Variants in HTR2C observed in about 807,000 individuals in gnomAD.
HTR2C encodes the protein 5-hydroxytryptamine (serotonin) receptor 2C, G protein-coupled.
Under a neutral mutation model 21.0 loss-of-function variants are expected in HTR2C, and 5 were observed. That is an observed-to-expected ratio of 0.24 (90% CI 0.12 to 0.50). The LOEUF (loss-of-function observed/expected upper bound fraction) is 0.50. Ranked by LOEUF, HTR2C falls within the 20% of genes least tolerant of loss-of-function variation. HTR2C has a pLI of 0.98. For missense variants in HTR2C, 271 were observed against 371.2 expected (o/e 0.73, Z 2.22); for synonymous variants, 150 against 145.3 (o/e 1.03, Z -0.23).
intron 4 of HTR2C, chrX:114,775,067 GT>G: frequency 2.0e-6 from 1 of 493,356 alleles, no homozygotes; most frequent in East Asian, 3.6e-5. Context: ...AGAATCTTCT[GT>G]TTGTCCTCAC....
intron 4 of HTR2C, among the ~76,000 whole-genome samples, chrX:114,804,142 C>T (rs2070379464): frequency 9.0e-6 from 1 of 111,579 alleles, no homozygotes; most frequent in African/African-American, 3.3e-5. Flanking sequence ...GAAAATAACT[C>T]ATGAACGAGG....
chrX:114,806,214 T>C (rs1488594119), intron 4 of HTR2C, among the ~76,000 whole-genome samples: 1 of 98,148 alleles, frequency 1.0e-5, no homozygotes, highest in Non-Finnish European at 2.0e-5. Context: ...ATATATACAC[T>C]CTATATACCA....
intron 4 of HTR2C, among the ~76,000 whole-genome samples, chrX:114,736,252 G>T (rs2069589725): frequency 9.0e-6 from 1 of 111,260 alleles, no homozygotes; most frequent in Non-Finnish European, 1.9e-5. Flanking sequence ...AAACATAAAA[G>T]ATTTTTAATT....
chrX:114,792,264 T>C (rs1255606260), intron 4 of HTR2C, among the ~76,000 whole-genome samples: 4 of 111,126 alleles, frequency 3.6e-5, no homozygotes, highest in Non-Finnish European at 7.5e-5. Flanking sequence ...TGTCCTGATG[T>C]TCTCCCTCCC....
chrX:114,668,798 C>G, intron 2 of HTR2C, among the ~76,000 whole-genome samples: 1 of 110,866 alleles, frequency 9.0e-6, no homozygotes. Flanking sequence ...ACAGTTTTTC[C>G]TTGGGATTAT....
At chrX:114,653,005 C>A (rs782262737) in intron 2 of HTR2C, among the ~76,000 whole-genome samples, 1 of 106,785 alleles carries the variant, frequency 9.4e-6, no homozygotes, top group Admixed American at 1.0e-4. Flanking sequence ...ATAAGACAGT[C>A]AATAAACTAA....
At chrX:114,746,516 A>T (rs2147362401) in intron 4 of HTR2C, among the ~76,000 whole-genome samples, 1 of 111,769 alleles carries the variant, frequency 8.9e-6, no homozygotes, top group Non-Finnish European at 1.9e-5. Context: ...TCAATTTTGG[A>T]TTAGTTGATA....
chrX:114,858,691 T>C (rs1556471934), intron 5 of HTR2C, among the ~76,000 whole-genome samples: 1 of 110,949 alleles, frequency 9.0e-6, no homozygotes, highest in Non-Finnish European at 1.9e-5. Flanking sequence ...TAATTGTTCT[T>C]GCTTGATTGC....
intron 4 of HTR2C, among the ~76,000 whole-genome samples, chrX:114,806,669 T>C (rs1556449989): frequency 4.1e-5 from 4 of 98,368 alleles, no homozygotes; most frequent in African/African-American, 1.5e-4. Flanking sequence ...ACACTATATA[T>C]ACTATATATA....
intron 5 of HTR2C, among the ~76,000 whole-genome samples, chrX:114,894,580 A>G (rs1556483617): frequency 1.8e-5 from 2 of 111,638 alleles, no homozygotes; most frequent in Non-Finnish European, 3.8e-5. Flanking sequence ...GATTTCACAG[A>G]TATATACATT....
At chrX:114,858,128 C>A (rs1404734235) in intron 5 of HTR2C, among the ~76,000 whole-genome samples, 4 of 111,135 alleles carry the variant, frequency 3.6e-5, no homozygotes, top group Admixed American at 1.9e-4. Context: ...GTCTTCTAAT[C>A]TAGTTGAGTA....
intron 4 of HTR2C, among the ~76,000 whole-genome samples, chrX:114,790,873 G>A (rs1556443341): frequency 1.8e-5 from 2 of 110,846 alleles, no homozygotes; most frequent in East Asian, 2.8e-4. Flanking sequence ...TATTCTTTAC[G>A]CTCAAGATTA....
chrX:114,770,658 T>A (rs2069991172), intron 4 of HTR2C, among the ~76,000 whole-genome samples: 1 of 111,053 alleles, frequency 9.0e-6, no homozygotes, highest in Non-Finnish European at 1.9e-5. Context: ...TCTTTAGTTC[T>A]TTAAACATAT....
rs782298736 is a variant in HTR2C, at chrX:114,704,526, T to C, written c.-79-22332T>C. On this transcript the variant is annotated intron_variant, in intron 2 of 5. Transcript: ENST00000276198. ...ATTCAACAACCTTCATGCTAAAAAC[T>C]CTCAATAAATTAGTACTGATGGGAT... 1.1e-4 allele frequency among the ~76,000 whole-genome samples: 12 copies of C among 111,757 alleles called. No homozygotes were observed. The East Asian group carries it at 3.4e-3, about 32-fold the overall frequency.
chrX:114,806,173 A>G (rs2070427563), intron 4 of HTR2C, among the ~76,000 whole-genome samples: 3 of 100,358 alleles, frequency 3.0e-5, no homozygotes, highest in African/African-American at 7.1e-5. Flanking sequence ...ATACATATAT[A>G]CACCCTATAT....
intron 1 of HTR2C, among the ~76,000 whole-genome samples, chrX:114,592,545 T>C (rs782591412): frequency 6.3e-5 from 7 of 111,855 alleles, no homozygotes; most frequent in East Asian, 2.8e-4. Flanking sequence ...AAAAAAACAC[T>C]CTATCCCTTC....
rs1186238592 is a variant in HTR2C, at chrX:114,644,358, AATAAATATATATATATAT to A, written c.-80+30481_-80+30498del. Reference sequence around the variant, plus strand: ...AGACTCCATCTAAAATAAATAAATAAATAAATATATATATATATATATATATATATATATATATATATA... The same window carrying A: ...AGACTCCATCTAAAATAAATAAATAAATATATATATATATATATATATATA... On this transcript the variant is annotated intron_variant, in intron 2 of 5. Coordinates refer to ENST00000276198, the MANE Select transcript of HTR2C (RefSeq NM_000868.4). 2.4e-4 allele frequency among the ~76,000 whole-genome samples: 4 copies of A among 16,521 alleles called. 1 individual carries two copies. Among genetic ancestry groups the A allele is most frequent in the African/African-American group, 3.9e-4 (2 of 5,130 alleles). 14.3% of individuals were successfully genotyped at this position (16,521 alleles called of 115,157 possible).
At chrX:114,697,530 T>C (rs1932315758) in intron 2 of HTR2C, among the ~76,000 whole-genome samples, 1 of 112,209 alleles carries the variant, frequency 8.9e-6, no homozygotes, top group Admixed American at 9.5e-5. Flanking sequence ...GAATCTTCCG[T>C]ATTTATTTAG....
intron 2 of HTR2C, among the ~76,000 whole-genome samples, chrX:114,695,731 G>T (rs894051195): frequency 3.6e-5 from 4 of 111,609 alleles, no homozygotes; most frequent in Non-Finnish European, 5.6e-5. Flanking sequence ...TAGCTACAGT[G>T]AGCAAATAAT....
Sources: allele counts gnomAD v4.1 joint callset (sites outside exome capture counted in the v4.1 genomes callset), GRCh38; gene constraint gnomAD v4.1.1; transcripts MANE v1.5; gene names NCBI Gene and HGNC (gene_info 2026-07-23, HGNC 2026-07-21).